Variants in RBM12 observed in about 807,000 individuals in gnomAD.
RBM12 encodes the protein RNA binding motif protein 12.
A neutral mutation model predicts 37.2 loss-of-function variants in RBM12; 24 were observed. That is an observed-to-expected ratio of 0.65 (90% confidence interval 0.47 to 0.91). RBM12 has a LOEUF of 0.91. Ranked by LOEUF, RBM12 falls within the 40% of genes least tolerant of loss-of-function variation. The probability of loss-of-function intolerance (pLI) is 0.00; values close to 1 mark genes in which losing one functional copy is unlikely to be tolerated. For synonymous variants in RBM12, 420 were observed against 425.2 expected, an observed-to-expected ratio of 0.99 and a Z score of 0.15; for missense variants, 1,061 against 1,183.2, an observed-to-expected ratio of 0.90 and a Z score of 1.52.
At position 35,652,925 on chromosome 20, in the gene RBM12, C is replaced by A. The variant is rs12481117; in HGVS notation, c.2398G>T (p.Gly800Cys). 12 of 1,613,680 alleles carry A rather than the reference C, an allele frequency of 7.4e-6. No homozygotes were observed. Among genetic ancestry groups the A allele is most frequent in the African/African-American group, 1.3e-5 (1 of 74,948 alleles). Residue 800 changes from glycine to cysteine, a missense_variant, in exon 3 of 3, where the codon GGC becomes TGC. Transcript: ENST00000374114. Reference protein sequence around the residue: ...QNFGNGPGSLGGPPGFGSGPP... With the variant: ...QNFGNGPGSLCGPPGFGSGPP... ...CCACTTCCAAACCCCGGGGGACCGC[C>A]TAAGCTACCAGGGCCATTTCCAAAA...
chr20:35,656,533 T>C (rs758238206), intron 2 of RBM12, among the ~76,000 whole-genome samples: 1 of 152,154 alleles, frequency 6.6e-6, no homozygotes, highest in African/African-American at 2.4e-5. Flanking sequence ...AAGTCAACTT[T>C]TATTTATTTA....
intron 1 of RBM12, among the ~76,000 whole-genome samples, chr20:35,660,732 C>T (rs1392518619): frequency 1.3e-5 from 2 of 152,172 alleles, no homozygotes; most frequent in Admixed American, 6.5e-5. Flanking sequence ...TTGTAATAAA[C>T]ATCTGATCCC....
In RBM12 at chr20:35,650,584, TGAG is replaced by T. The variant is rs1306875098; in HGVS notation, c.*1937_*1939del. On this transcript the variant is annotated 3_prime_UTR_variant, in exon 3 of 3. Transcript: ENST00000374114. ...ACAAACGTTATATTGCTTTTGAAAT[TGAG>T]GAGGCAGTATCTAGTGATCGGTCAA... 2.0e-5 allele frequency: 3 copies of T among 152,614 alleles called. No homozygotes were observed. The highest frequency in any genetic ancestry group is 7.2e-5 in the African/African-American group (3 of 41,442). 9.5% of individuals were successfully genotyped at this position (152,614 alleles called of 1,614,324 possible). A position where few individuals can be genotyped will look rare whatever the true frequency, so the allele number is the denominator to read the frequency against.
intron 1 of RBM12, among the ~76,000 whole-genome samples, chr20:35,661,594 A>T (rs959890693): frequency 6.6e-6 from 1 of 152,202 alleles, no homozygotes; most frequent in African/African-American, 2.4e-5. Context: ...CCTAACATAA[A>T]GGCTTGCTTC....
intron 2 of RBM12, among the ~76,000 whole-genome samples, chr20:35,658,420 G>A (rs1014636147): frequency 6.6e-6 from 1 of 152,128 alleles, no homozygotes; most frequent in Admixed American, 6.5e-5. Flanking sequence ...AGGAACAACT[G>A]TTCAAAGCAC....
rs1405610555 is a variant in RBM12, at chr20:35,654,755, T to C, written c.568A>G (p.Ile190Val). 10 of 1,613,734 alleles carry C rather than the reference T, an allele frequency of 6.2e-6. No homozygotes were observed. Among genetic ancestry groups the C allele is most frequent in the South Asian group, 4.4e-5 (4 of 91,074 alleles). ...GATGGCATCGCTGGAATTGGAGGAA[T>C]TGGTGGCGGCGGGACTGTGTTCATT... ...SPMNTVPPPPIPPIPAMPSLP... is the reference protein window; with the variant it reads ...SPMNTVPPPPVPPIPAMPSLP... Residue 190 changes from isoleucine to valine, a missense_variant, in exon 3 of 3, where the codon ATT becomes GTT. Physicochemically the swap from Ile to Val is conservative, Grantham distance 29 (BLOSUM62 3). Coordinates refer to ENST00000374114, the MANE Select transcript of RBM12 (RefSeq NM_006047.6).
At position 35,652,537 on chromosome 20, in the gene RBM12, A is replaced by C. The variant is rs1284136531; in HGVS notation, c.2786T>G (p.Leu929Arg). The C allele has an allele frequency of 6.2e-7, 1 of 1,610,746 alleles. No individual in the cohort carries two copies. The highest frequency in any genetic ancestry group is 8.5e-7 in the Non-Finnish European group (1 of 1,179,014). Residue 929 changes from leucine (L) to arginine (R), a missense_variant, in exon 3 of 3, where the codon CTT becomes CGT. Physicochemically the swap from Leu to Arg is moderately radical, Grantham distance 102. Coordinates refer to ENST00000374114, the MANE Select transcript of RBM12 (RefSeq NM_006047.6). Reference sequence around the variant, plus strand: ...TGATGTGAATGGCTACCCTAATACAAGTTTTACTTTTCTTGAACCTATAGG... The same window carrying C: ...TGATGTGAATGGCTACCCTAATACACGTTTTACTTTTCTTGAACCTATAGG... ...DRPIGSRKVK[L>R]VLG
chr20:35,663,709 G>A (rs1453944202), intron 1 of RBM12, among the ~76,000 whole-genome samples: 1 of 152,142 alleles, frequency 6.6e-6, no homozygotes, highest in Non-Finnish European at 1.5e-5. Context: ...GAGCCCCTCA[G>A]ATTTGTCACT....
chr20:35,653,031 A>C lies in RBM12; in HGVS notation c.2292T>G (p.Gly764=), dbSNP rs751670664. 5.6e-6 allele frequency: 9 copies of C among 1,613,696 alleles called. No individual in the cohort carries two copies. The highest frequency in any genetic ancestry group is 7.6e-6 in the Non-Finnish European group (9 of 1,180,050). ...MPSVGNSGLP[G]LGLDVPGFGG... Reference sequence around the variant, plus strand: ...CAAAACCCGGAACATCCAGTCCTAGACCAGGCAAACCACTGTTTCCAACTG... The same window carrying C: ...CAAAACCCGGAACATCCAGTCCTAGCCCAGGCAAACCACTGTTTCCAACTG... Residue 764 remains glycine, a synonymous_variant, in exon 3 of 3, where the codon GGT becomes GGG. Transcript: ENST00000374114.
chr20:35,658,685 G>A (rs533435292), intron 2 of RBM12, among the ~76,000 whole-genome samples: 4 of 152,024 alleles, frequency 2.6e-5, no homozygotes, highest in African/African-American at 7.2e-5. Flanking sequence ...GCTTGAACCC[G>A]GGAGGCGGAG....
At chr20:35,656,670 G>T (rs538209257) in intron 2 of RBM12, among the ~76,000 whole-genome samples, 49 of 152,272 alleles carry the variant, frequency 3.2e-4, no homozygotes, top group Admixed American at 2.5e-3. Context: ...AAGTAGCTGG[G>T]ATTACAGGCA....
In RBM12 at chr20:35,654,648, C is replaced by G. The variant is rs139141819; in HGVS notation, c.675G>C (p.Pro225=). The G allele has an allele frequency of 1.2e-6, 2 of 1,613,682 alleles. No homozygotes were observed. Among genetic ancestry groups the G allele is most frequent in the Admixed American group, 1.7e-5 (1 of 59,998 alleles). ...GTGGCACAGAAGGAACTGGGGGAAT[C>G]GGGGGCACAGGAGGCACAGGAGGCA... ...PTLPPVPPVP[P]IPPVPSVPPM... The change falls in exon 3 of 3, where the codon CCG becomes CCC. Residue 225 remains proline (P), a synonymous_variant. Coordinates refer to ENST00000374114, the MANE Select transcript of RBM12 (RefSeq NM_006047.6).
In RBM12 at chr20:35,654,063, T is replaced by C; in HGVS notation, c.1260A>G (p.Ser420=). 6.2e-7 allele frequency: 1 copy of C among 1,614,206 alleles called. No individual in the cohort carries two copies. Among genetic ancestry groups the C allele is most frequent in the East Asian group, 2.2e-5 (1 of 44,882 alleles). The part of the protein sequence containing the change: ...RSKSPSGQKR[S]RSRSPHEAGF... ...CAGCCTCATGTGGTGATCTTGACCT[T>C]GATCTTTTCTGCCCACTGGGCGATT... The change falls in exon 3 of 3, where the codon TCA becomes TCG. Residue 420 remains serine (S), a synonymous_variant. Transcript: ENST00000374114.
In RBM12 at chr20:35,653,402, T is replaced by C. The variant is rs1344486736; in HGVS notation, c.1921A>G (p.Met641Val). 1.9e-6 allele frequency: 3 copies of C among 1,614,024 alleles called. No individual in the cohort carries two copies. The highest frequency in any genetic ancestry group is 2.5e-6 in the Non-Finnish European group (3 of 1,180,002). ...PPAQGKKGLK[M>V]PVPGNPAVPG... is the part of the protein sequence containing the mutation. ...ACTGCAGGATTACCTGGCACAGGCA[T>C]CTTTAATCCCTTTTTTCCTTGGGCA... is the stretch of plus-strand genomic sequence containing the variant. The change falls in exon 3 of 3, where the codon ATG (methionine) becomes GTG (valine). Residue 641 changes from methionine to valine, a missense_variant. Met to Val is a conservative substitution (Grantham distance 21, BLOSUM62 1). This residue lies in a region of RBM12 where 517 missense variants were observed against 534.0 expected (regional missense o/e 0.97). Coordinates refer to ENST00000374114, the MANE Select transcript of RBM12 (RefSeq NM_006047.6).
Position 35,654,552 on chromosome 20 carries a change from A to T in RBM12, c.771T>A (p.Ala257=). ...LNPPPVAPLP[A]GMNGSGAPMN... Reference sequence around the variant, plus strand: ...TAGGTGCTCCAGAGCCATTCATTCCAGCAGGTAGAGGTGCCACAGGTGGCG... The same window carrying T: ...TAGGTGCTCCAGAGCCATTCATTCCTGCAGGTAGAGGTGCCACAGGTGGCG... Residue 257 remains alanine (A), a synonymous_variant, in exon 3 of 3, where the codon GCT becomes GCA. Coordinates refer to ENST00000374114, the MANE Select transcript of RBM12 (RefSeq NM_006047.6). The T allele has an allele frequency of 6.2e-7, 1 of 1,614,234 alleles. No individual in the cohort carries two copies. The highest frequency in any genetic ancestry group is 1.7e-5 in the Admixed American group (1 of 60,028).
At chr20:35,659,138 C>CAA (rs370328377) in intron 1 of RBM12, 124 bp from the exon 2 acceptor site, 375 of 271,836 alleles carry the variant, frequency 1.4e-3, no homozygotes, top group Middle Eastern at 2.8e-3. Context: ...GAATGCATAT[C>CAA]AAAAAAAAAA....
rs905379218 is a variant in RBM12, at chr20:35,655,182, A to G, written c.141T>C (p.Phe47=). 1 of 1,614,222 alleles carries G rather than the reference A, an allele frequency of 6.2e-7. No individual in the cohort carries two copies. The change falls in exon 3 of 3, where the codon TTT becomes TTC. Residue 47 remains phenylalanine, a synonymous_variant. Transcript: ENST00000374114. ...GGELGEAFIV[F]ATDEDARLGM... is the part of the protein sequence containing the mutation. ...CAAGCCTTGCATCTTCATCAGTGGC[A>G]AAAACGATGAAAGCCTCACCCAGTT...
In RBM12 at chr20:35,654,905, C is replaced by G; in HGVS notation, c.418G>C (p.Val140Leu). 6.2e-7 allele frequency: 1 copy of G among 1,614,126 alleles called. No individual in the cohort carries two copies. Among genetic ancestry groups the G allele is most frequent in the Non-Finnish European group, 8.5e-7 (1 of 1,179,986 alleles). Residue 140 changes from valine (V) to leucine (L), a missense_variant, in exon 3 of 3, where the codon GTT (valine) becomes CTT (leucine). By Grantham distance (32) the Val-to-Leu change is conservative. This residue lies in a region of RBM12 where 540 missense variants were observed against 632.7 expected (regional missense o/e 0.85). Coordinates refer to ENST00000374114, the MANE Select transcript of RBM12 (RefSeq NM_006047.6). ...TGTATGTTTTTGTTGCTTTCATGAA[C>G]AGAAGTGGTGGCAGTAACTACACTG... ...SPSVVTATTS[V>L]HESNKNIQTF...
At chr20:35,657,232 T>A (rs73104744) in intron 2 of RBM12, among the ~76,000 whole-genome samples, 6 of 152,266 alleles carry the variant, frequency 3.9e-5, no homozygotes, top group Non-Finnish European at 8.8e-5. Flanking sequence ...CAAGAAAAAT[T>A]AACGCTAAAA....
Sources: allele counts gnomAD v4.1 joint callset (sites outside exome capture counted in the v4.1 genomes callset), GRCh38; gene constraint gnomAD v4.1.1; regional missense constraint gnomAD v4.1.1; transcripts MANE v1.5; gene names NCBI Gene and HGNC (gene_info 2026-07-23, HGNC 2026-07-21).